The following IMMP2L variants were observed in gnomAD, a reference collection of about 807,000 sequenced individuals.
The protein encoded by IMMP2L is mitochondrial inner membrane protease subunit 2.
IMMP2L carries 18 observed loss-of-function variants against 19.3 expected under a neutral mutation model. The observed-to-expected ratio is 0.93, with a 90% CI of 0.64 to 1.38. The LOEUF (loss-of-function observed/expected upper bound fraction) is 1.38. IMMP2L is among the 40% of genes most tolerant of loss of function. The pLI, the probability that IMMP2L is intolerant of heterozygous loss-of-function variation, is 0.00. For missense variants in IMMP2L, 233 were observed against 218.2 expected, an observed-to-expected ratio of 1.07 and a Z score of -0.43; for synonymous variants, 76 against 73.0, an observed-to-expected ratio of 1.04 and a Z score of -0.21.
At chr7:111,155,795 T>A (rs1490836818) in intron 3 of IMMP2L, among the ~76,000 whole-genome samples, 1 of 152,110 alleles carries the variant, frequency 6.6e-6, no homozygotes, top group Non-Finnish European at 1.5e-5. Flanking sequence ...ATTTTAGGCA[T>A]AGCTTCGATG....
intron 5 of IMMP2L, among the ~76,000 whole-genome samples, chr7:110,792,062 G>A (rs1173006764): frequency 2.0e-5 from 3 of 151,770 alleles, no homozygotes; most frequent in Non-Finnish European, 4.4e-5. Context: ...TACAGTCAGA[G>A]AACTGGATTT....
At chr7:110,986,812 CTTAG>C (rs1176393286) in intron 3 of IMMP2L, among the ~76,000 whole-genome samples, 1 of 147,212 alleles carries the variant, frequency 6.8e-6, no homozygotes, top group Non-Finnish European at 1.5e-5. Flanking sequence ...AATATATCTT[CTTAG>C]TTAGTAAAAA....
intron 2 of IMMP2L, among the ~76,000 whole-genome samples, chr7:111,506,444 C>G (rs1844913275): frequency 6.6e-6 from 1 of 152,128 alleles, no homozygotes; most frequent in South Asian, 2.1e-4. Flanking sequence ...GTCCCCCAGG[C>G]TGCAGTGCAG....
intron 5 of IMMP2L, among the ~76,000 whole-genome samples, chr7:110,779,927 G>C (rs1188254251): frequency 6.6e-6 from 1 of 151,804 alleles, no homozygotes; most frequent in African/African-American, 2.4e-5. Context: ...TTGATTTAAA[G>C]AAAGAGGAAA....
rs1417373028 is a variant in IMMP2L, at chr7:110,757,911, A to G, written c.409-94190T>C. 6.6e-6 allele frequency among the ~76,000 whole-genome samples: 1 copy of G among 152,080 alleles called. No homozygotes were observed. Among genetic ancestry groups the G allele is most frequent in the Non-Finnish European group, 1.5e-5 (1 of 68,006 alleles). On this transcript the variant is annotated intron_variant, in intron 5 of 5. Coordinates refer to ENST00000405709, the MANE Select transcript of IMMP2L (RefSeq NM_032549.4). This position sits in a 1 kb window ranked among gnomAD's most constrained non-coding sequence, Gnocchi z 4.2. ...GAATTTCAGGCACTGGAAATAGCCGAGGGGAAGGTGGTAGAAGGAAGTGGG... is the reference window on the plus strand; with the variant it reads ...GAATTTCAGGCACTGGAAATAGCCGGGGGGAAGGTGGTAGAAGGAAGTGGG...
chr7:111,543,780 A>C (rs1429989935), intron 1 of IMMP2L, among the ~76,000 whole-genome samples: 1 of 152,200 alleles, frequency 6.6e-6, no homozygotes, highest in African/African-American at 2.4e-5. Context: ...CCATAATCAA[A>C]TAGCAATCCT....
intron 3 of IMMP2L, among the ~76,000 whole-genome samples, chr7:111,011,481 GA>G (rs1319241379): frequency 6.6e-6 from 1 of 152,118 alleles, no homozygotes; most frequent in Admixed American, 6.6e-5. Context: ...ATTTTCTGAA[GA>G]AAAGAGTCCC....
At chr7:111,267,872 T>C (rs1375839661) in intron 3 of IMMP2L, among the ~76,000 whole-genome samples, 1 of 152,160 alleles carries the variant, frequency 6.6e-6, no homozygotes, top group Non-Finnish European at 1.5e-5. Context: ...TGAGTCATTG[T>C]ATAAAAATAG....
chr7:111,507,143 G>A (rs1844993934), intron 2 of IMMP2L, among the ~76,000 whole-genome samples: 1 of 152,178 alleles, frequency 6.6e-6, no homozygotes, highest in Non-Finnish European at 1.5e-5. Context: ...ACCCAGCCCT[G>A]AGGTCTTAAT....
intron 3 of IMMP2L, among the ~76,000 whole-genome samples, chr7:111,475,997 CTG>C (rs1841686935): frequency 6.6e-6 from 1 of 152,092 alleles, no homozygotes; most frequent in Middle Eastern, 3.2e-3. Flanking sequence ...ACATAGTTTT[CTG>C]ATATCCTGAG....
At chr7:111,069,042 A>C (rs1794740539) in intron 3 of IMMP2L, among the ~76,000 whole-genome samples, 1 of 152,230 alleles carries the variant, frequency 6.6e-6, no homozygotes, top group African/African-American at 2.4e-5. Flanking sequence ...AATGGACACT[A>C]TATTGAGCCA....
Position 110,780,770 on chromosome 7 carries a change from A to G in IMMP2L, c.408+105823T>C, listed in dbSNP as rs1799683273. Among the ~76,000 whole-genome samples the G allele has an allele frequency of 2.1e-5, 3 of 144,818 alleles. 1 individual carries two copies. The South Asian group carries it at 6.8e-4, about 33-fold the overall frequency. ...ATTTTACTTACCCAAACTTAAAAGCATATCTCTCATTTAACAAAGGAGGGT... is the reference window on the plus strand; with the variant it reads ...ATTTTACTTACCCAAACTTAAAAGCGTATCTCTCATTTAACAAAGGAGGGT... On this transcript the variant is annotated intron_variant, in intron 5 of 5. Coordinates refer to ENST00000405709, the MANE Select transcript of IMMP2L (RefSeq NM_032549.4).
intron 3 of IMMP2L, among the ~76,000 whole-genome samples, chr7:111,019,439 G>A (rs1255510677): frequency 6.6e-6 from 1 of 152,086 alleles, no homozygotes; most frequent in Non-Finnish European, 1.5e-5. Context: ...GTGGTTGAGA[G>A]TCACAACCCC....
chr7:111,502,539 C>T (rs1314887770), intron 2 of IMMP2L, among the ~76,000 whole-genome samples: 1 of 152,096 alleles, frequency 6.6e-6, no homozygotes, highest in Non-Finnish European at 1.5e-5. Flanking sequence ...CACCACACCA[C>T]ACCTATTCCA....
chr7:111,487,417 G>A (rs1162517767), intron 2 of IMMP2L, 76 bp from the exon 3 acceptor site: 3 of 821,596 alleles, frequency 3.7e-6, no homozygotes, highest in East Asian at 2.5e-5. Flanking sequence ...TTCACAGCTC[G>A]AGTGGACTGA....
At chr7:110,747,462 C>T (rs1164757866) in intron 5 of IMMP2L, among the ~76,000 whole-genome samples, 1 of 152,088 alleles carries the variant, frequency 6.6e-6, no homozygotes, top group Non-Finnish European at 1.5e-5. Flanking sequence ...AAATTTCAGG[C>T]CAATATTCCT....
intron 3 of IMMP2L, among the ~76,000 whole-genome samples, chr7:111,189,910 A>G (rs1808689203): frequency 6.6e-6 from 1 of 152,162 alleles, no homozygotes; most frequent in East Asian, 1.9e-4. Context: ...TTAACATTTC[A>G]AACTCTGTGT....
intron 3 of IMMP2L, among the ~76,000 whole-genome samples, chr7:111,220,642 AAGAC>A (rs921527002): frequency 9.2e-5 from 14 of 151,654 alleles, no homozygotes; most frequent in African/African-American, 1.2e-4. Context: ...AGAGAGAGAG[AAGAC>A]AGACAGAGAC....
chr7:110,678,023 C>G (rs56095900), intron 5 of IMMP2L, among the ~76,000 whole-genome samples: 13 of 152,172 alleles, frequency 8.5e-5, no homozygotes, highest in Admixed American at 8.5e-4. Flanking sequence ...CCTGAACTCA[C>G]AAGAGTAATG....
Sources: gnomAD v4.1 joint callset for allele counts (sites outside exome capture counted in the v4.1 genomes callset) on GRCh38, gnomAD v4.1.1 for gene constraint, Gnocchi (gnomAD v3.1) non-coding constraint, MANE v1.5 for transcripts, NCBI Gene and HGNC (gene_info 2026-07-23, HGNC 2026-07-21) for gene names.